Variants in ZNF420 observed in about 807,000 individuals in gnomAD.
ZNF420 encodes the protein ATM and p53-associated KZNF protein.
A neutral mutation model predicts 44.7 loss-of-function variants in ZNF420; 31 were observed. That is an observed-to-expected ratio of 0.69 (90% CI 0.52 to 0.94). The LOEUF (loss-of-function observed/expected upper bound fraction) is 0.94. Among genes scored for constraint, ZNF420 ranks in the 40% least tolerant of loss-of-function variants. The pLI is 0.00. For synonymous variants in ZNF420, 245 were observed against 267.4 expected (o/e 0.92, Z 0.82); for missense variants, 681 against 827.9 (o/e 0.82, Z 2.18).
rs1432925036 is a variant in ZNF420 at position 37,128,989 on chromosome 19, CAGTG to C, written c.2001_2004del (p.Ser667ArgfsTer31). The stretch of plus-strand genomic sequence containing the variant: ...TAACTCAACATCAGAGAATTCATAT[CAGTG>C]AGAAATCTTTTGAATATAAGGAATG... On this transcript the variant is annotated frameshift_variant, in exon 5 of 5. Coordinates refer to ENST00000337995, the MANE Select transcript of ZNF420 (RefSeq NM_144689.5). LOFTEE classifies it high-confidence loss of function. 1 of 1,613,832 alleles carries C rather than the reference CAGTG, an allele frequency of 6.2e-7. No individual in the cohort carries two copies. The highest frequency in any genetic ancestry group is 8.5e-7 in the Non-Finnish European group (1 of 1,179,936).
At chr19:37,061,604 G>A (rs930745527) in intron 1 of ZNF420, among the ~76,000 whole-genome samples, 1 of 152,134 alleles carries the variant, frequency 6.6e-6, no homozygotes, top group Admixed American at 6.5e-5. Flanking sequence ...TTAGCATCAT[G>A]AGAAAACAAT....
At chr19:37,018,798 G>A (rs1947534856) in intron 1 of ZNF420, among the ~76,000 whole-genome samples, 1 of 152,038 alleles carries the variant, frequency 6.6e-6, no homozygotes, top group Non-Finnish European at 1.5e-5. Flanking sequence ...TCGAACTCCT[G>A]GCCTCAAGTG....
upstream of ZNF420, among the ~76,000 whole-genome samples, chr19:37,076,939 C>A (rs1968172308): frequency 6.6e-6 from 1 of 152,186 alleles, no homozygotes; most frequent in Non-Finnish European, 1.5e-5. Flanking sequence ...ATCACACACA[C>A]AGGTTCATTC....
chr19:37,088,967 A>G, intron 2 of ZNF420, 72 bp from the exon 3 acceptor site: 1 of 720,370 alleles, frequency 1.4e-6, no homozygotes, highest in Non-Finnish European at 2.5e-6. Context: ...AGAACAACAA[A>G]GATAATTCCA....
At chr19:37,113,604 A>G (rs73626597) in intron 4 of ZNF420, among the ~76,000 whole-genome samples, 2,938 of 152,332 alleles carry the variant, frequency 0.019, 77 homozygotes, top group East Asian at 0.05. Flanking sequence ...CCGCAAAATC[A>G]GGGTAGGGCT....
At chr19:37,055,354 G>GCA (rs1223432147) in intron 1 of ZNF420, among the ~76,000 whole-genome samples, 1 of 152,182 alleles carries the variant, frequency 6.6e-6, no homozygotes, top group Non-Finnish European at 1.5e-5. Context: ...CCAATGCACT[G>GCA]CAGCCTGAGA....
intron 4 of ZNF420, among the ~76,000 whole-genome samples, chr19:37,101,400 C>T (rs531793241): frequency 4.8e-4 from 73 of 152,304 alleles, no homozygotes; most frequent in Non-Finnish European, 8.4e-4. Context: ...GAGGCTGAGA[C>T]AGGAGAATTG....
intron 4 of ZNF420, among the ~76,000 whole-genome samples, chr19:37,122,167 T>C (rs940795634): frequency 4.6e-5 from 7 of 152,178 alleles, no homozygotes; most frequent in African/African-American, 1.4e-4. Context: ...TGCACACGTA[T>C]GTTTATTGTG....
At chr19:37,117,712 TAAA>T (rs1970776682) in intron 4 of ZNF420, among the ~76,000 whole-genome samples, 1 of 151,878 alleles carries the variant, frequency 6.6e-6, no homozygotes, top group African/African-American at 2.4e-5. Flanking sequence ...GCAAAGAAGT[TAAA>T]AACTTTGAAA....
intron 4 of ZNF420, among the ~76,000 whole-genome samples, chr19:37,096,895 TCTTA>T (rs1248612699): frequency 6.6e-6 from 1 of 151,580 alleles, no homozygotes; most frequent in Non-Finnish European, 1.5e-5. Context: ...CATGGTTTTT[TCTTA>T]TTCTTTTTTT....
At chr19:37,085,484 T>C (rs1968705287) in intron 2 of ZNF420, among the ~76,000 whole-genome samples, 1 of 152,158 alleles carries the variant, frequency 6.6e-6, no homozygotes, top group African/African-American at 2.4e-5. Context: ...AAAGGTGGCC[T>C]CCCCGCAGCA....
At chr19:37,048,721 A>T (rs537935776) in intron 1 of ZNF420, among the ~76,000 whole-genome samples, 52 of 152,072 alleles carry the variant, frequency 3.4e-4, no homozygotes, top group East Asian at 2.3e-3. Context: ...TTATTTAAAA[A>T]TTTTTTTTAA....
intron 2 of ZNF420, among the ~76,000 whole-genome samples, chr19:37,086,092 C>T (rs1968757461): frequency 6.6e-6 from 1 of 151,918 alleles, no homozygotes; most frequent in African/African-American, 2.4e-5. Context: ...AGGCATGAGC[C>T]ACCGTGCCCA....
intron 1 of ZNF420, among the ~76,000 whole-genome samples, chr19:37,028,068 G>T (rs2562601): frequency 0.56 from 84,982 of 151,598 alleles, 25,349 homozygotes; most frequent in African/African-American, 0.76. Flanking sequence ...TTCCTGTTGC[G>T]CCGTATCCTC....
chr19:37,064,089 C>A (rs1478807058), intron 1 of ZNF420, among the ~76,000 whole-genome samples: 1 of 152,172 alleles, frequency 6.6e-6, no homozygotes, highest in Non-Finnish European at 1.5e-5. Flanking sequence ...GATGCATGCT[C>A]CTATCAGGGG....
rs577335822 is a variant in ZNF420 at position 37,069,191 on chromosome 19, C to T, written c.-124-11154C>T. Among the ~76,000 whole-genome samples the T allele has an allele frequency of 2.6e-5, 4 of 152,172 alleles. No homozygotes were observed. In the East Asian group the frequency reaches 7.7e-4, roughly 29 times the overall value. ...ACTGAATATTTAGAAAACTTAGACA[C>T]GTATTAGCCTATCGGGCAAATCTCG... On this transcript the variant is annotated intron_variant, in intron 1 of 4. Coordinates refer to the ZNF420 transcript ENST00000587029.
chr19:37,076,039 T>G (rs561164965), upstream of ZNF420, among the ~76,000 whole-genome samples: 33 of 152,324 alleles, frequency 2.2e-4, no homozygotes, highest in South Asian at 4.2e-3. Context: ...TTTGTGAATC[T>G]GAAAAGCTGC....
chr19:37,012,764 C>CTGTGTGTG lies in ZNF420; in HGVS notation c.-125+4683_-125+4684insGTGTGTGT, dbSNP rs759249724. Among the ~76,000 whole-genome samples, 249 of 132,366 alleles carry CTGTGTGTG rather than the reference C, an allele frequency of 1.9e-3. 5 individuals are homozygous for CTGTGTGTG. The highest frequency in any genetic ancestry group is 6.5e-3 in the African/African-American group (212 of 32,862). The allele number at this position is 132,366 out of a possible 152,430, so 86.8% of individuals were successfully genotyped here. A position where few individuals can be genotyped will look rare whatever the true frequency, so the allele number is the denominator to read the frequency against. On this transcript the variant is annotated intron_variant, in intron 1 of 4. Transcript: ENST00000587029. ...GTGCTTCTGTGCCACTGCTATATGTCTCTGTGTGTGTGTGTGTGTGTGTGT... is the reference window on the plus strand; with the variant it reads ...GTGCTTCTGTGCCACTGCTATATGTCTGTGTGTGTCTGTGTGTGTGTGTGTGTGTGTGT...
intron 4 of ZNF420, among the ~76,000 whole-genome samples, chr19:37,099,422 TATA>T (rs1452490928): frequency 1.3e-5 from 2 of 152,210 alleles, no homozygotes; most frequent in Non-Finnish European, 2.9e-5. Context: ...TGCATTTCCC[TATA>T]ATTAGTGATA....
Sources: allele counts gnomAD v4.1 joint callset (sites outside exome capture counted in the v4.1 genomes callset), GRCh38; gene constraint gnomAD v4.1.1; transcripts MANE v1.5; gene names NCBI Gene and HGNC (gene_info 2026-07-23, HGNC 2026-07-21).